The following TPCN1 variants were observed in gnomAD, a reference collection of about 807,000 sequenced individuals.
TPCN1 encodes the protein two pore channel protein 1.
Under a neutral mutation model 108.8 loss-of-function variants are expected in TPCN1, and 52 were observed. That is an observed-to-expected ratio of 0.48 (90% CI 0.38 to 0.60). The LOEUF (loss-of-function observed/expected upper bound fraction) is 0.60, where lower values mean the gene tolerates loss of function less well. Among genes scored for constraint, TPCN1 ranks in the 20% least tolerant of loss-of-function variants. The pLI, the probability that TPCN1 is intolerant of heterozygous loss-of-function variation, is 0.00. For missense variants in TPCN1, 806 were observed against 1,072.8 expected (o/e 0.75, Z 3.47); for synonymous variants, 446 against 433.7 (o/e 1.03, Z -0.35).
chr12:113,278,388 G>A, intron 13 of TPCN1, 151 bp downstream of exon 13: 1 of 700,296 alleles, frequency 1.4e-6, no homozygotes, highest in Non-Finnish European at 2.5e-6. Context: ...ATCACAGGTG[G>A]CCCCAGCCCC....
intron 2 of TPCN1, among the ~76,000 whole-genome samples, chr12:113,243,092 G>A (rs1427030739): frequency 2.6e-5 from 4 of 152,212 alleles, no homozygotes; most frequent in African/African-American, 9.6e-5. Context: ...ACATCTGGCC[G>A]GGTGCGGTGC....
rs148672264 is a variant in TPCN1, at chr12:113,270,389, T to G, written c.748+544T>G. Among the ~76,000 whole-genome samples the G allele has an allele frequency of 6.6e-3, 999 of 152,248 alleles. 4 individuals carry two copies. Among genetic ancestry groups the G allele is most frequent in the African/African-American group, 0.023 (951 of 41,558 alleles). On this transcript the variant is annotated intron_variant, in intron 7 of 27. Transcript: ENST00000335509. ...GCTGTGGGTGTCTGTTGAGGGCCTA[T>G]TTCCTGATCCATAGGTGGTGCCTTC...
At chr12:113,292,038 G>C (rs998026232) in intron 25 of TPCN1, 80 bp downstream of exon 25, 1 of 1,251,986 alleles carries the variant, frequency 8.0e-7, no homozygotes, top group Non-Finnish European at 1.2e-6. Context: ...TGGCTGTCCA[G>C]CCAGCCATCA....
chr12:113,289,602 C>A lies in TPCN1; in HGVS notation c.1797-526C>A, dbSNP rs1593209501. Among the ~76,000 whole-genome samples, 2 of 152,164 alleles carry A rather than the reference C, an allele frequency of 1.3e-5. No homozygotes were observed. Among genetic ancestry groups the A allele is most frequent in the African/African-American group, 4.8e-5 (2 of 41,440 alleles). On this transcript the variant is annotated intron_variant, in intron 21 of 27. Coordinates refer to ENST00000335509, the MANE Select transcript of TPCN1 (RefSeq NM_017901.6). The surrounding 1 kb of genome is among the most constrained non-coding windows in gnomAD (Gnocchi z 4.1). ...GCTCCCTGGTGGCCCAAGCACTAGA[C>A]TTTTATAAACATTAGCATGGATATT... is the stretch of plus-strand genomic sequence containing the variant.
intron 4 of TPCN1, among the ~76,000 whole-genome samples, chr12:113,267,564 A>G (rs1955315820): frequency 6.6e-6 from 1 of 151,874 alleles, no homozygotes; most frequent in Non-Finnish European, 1.5e-5. Flanking sequence ...ACGCCCAGCT[A>G]ATTTCTTTTT....
rs762026881 is a variant in TPCN1, at chr12:113,290,085, C to G, written c.1797-43C>G. On this transcript the variant is annotated intron_variant, in intron 21 of 27. Transcript: ENST00000335509. ...TCTGTCCTCTCTGGAGGTGACTGATCGCCTTGTGACCCTCCCTCCTTTCTC... is the reference window on the plus strand; with the variant it reads ...TCTGTCCTCTCTGGAGGTGACTGATGGCCTTGTGACCCTCCCTCCTTTCTC... 2.3e-6 allele frequency: 3 copies of G among 1,286,774 alleles called. No individual in the cohort carries two copies. In the East Asian group the frequency reaches 7.5e-5, roughly 32 times the overall value. The allele number at this position is 1,286,774 out of a possible 1,614,324, so 79.7% of individuals were successfully genotyped here. A position where few individuals can be genotyped will look rare whatever the true frequency, so the allele number is the denominator to read the frequency against.
chr12:113,224,697 C>A (rs73192812), intron 1 of TPCN1, among the ~76,000 whole-genome samples: 10,565 of 151,842 alleles, frequency 0.07, 416 homozygotes, highest in Middle Eastern at 0.082. Context: ...CGCCTGGCCG[C>A]ATATTAACTA....
Position 113,273,739 on chromosome 12 carries a change from G to A in TPCN1, c.942+71G>A. 8.2e-7 allele frequency: 1 copy of A among 1,222,532 alleles called. No homozygotes were observed. The allele number at this position is 1,222,532 out of a possible 1,614,324, so 75.7% of individuals were successfully genotyped here. On this transcript the variant is annotated intron_variant, in intron 10 of 27. Coordinates refer to ENST00000335509, the MANE Select transcript of TPCN1 (RefSeq NM_017901.6). The surrounding 1 kb of genome is among the most constrained non-coding windows in gnomAD (Gnocchi z 4.0). ...CCATGCAGCACTAGGCACTGTGGGA[G>A]TGGAGAAGTGGGGACTGTCTTCTGC...
Position 113,293,050 on chromosome 12 carries a change from C to T in TPCN1, c.2230C>T (p.Leu744Phe), listed in dbSNP as rs772451804. 3 of 1,612,698 alleles carry T rather than the reference C, an allele frequency of 1.9e-6. No individual in the cohort carries two copies. Among genetic ancestry groups the T allele is most frequent in the South Asian group, 1.1e-5 (1 of 91,024 alleles). The change falls in exon 26 of 28, where the codon CTC becomes TTC. Residue 744 changes from leucine to phenylalanine, a missense_variant. Coordinates refer to ENST00000335509, the MANE Select transcript of TPCN1 (RefSeq NM_017901.6). ...GGATGTCACCAGGCTGCTGGAGACC[C>T]TCTCCCAGATGGAGAGATACCAGGT... ...SSDVTRLLET[L>F]SQMERYQQHS...
chr12:113,223,435 C>CTTTTTTTTTTTTTTTT (rs1172851714), intron 1 of TPCN1, among the ~76,000 whole-genome samples: 10 of 120,282 alleles, frequency 8.3e-5, no homozygotes, highest in South Asian at 2.7e-4. Flanking sequence ...TCTGCTGAGT[C>CTTTTTTTTTTTTTTTT]TTTTTTTTTT....
chr12:113,264,844 G>C (rs1955190358), intron 3 of TPCN1, among the ~76,000 whole-genome samples: 1 of 151,948 alleles, frequency 6.6e-6, no homozygotes, highest in Non-Finnish European at 1.5e-5. Flanking sequence ...AGCTCTTTTT[G>C]TTTATTTTTT....
rs199608038 is a variant in TPCN1 at position 113,293,003 on chromosome 12, G to A, written c.2183G>A (p.Arg728Gln). The change falls in exon 26 of 28, where the codon CGG becomes CAG. Residue 728 changes from arginine to glutamine, a missense_variant. Physicochemically the swap from Arg to Gln is conservative, Grantham distance 43. Coordinates refer to ENST00000335509, the MANE Select transcript of TPCN1 (RefSeq NM_017901.6). ...CTGGTTGCCGTCCTGGAGCTCTACCGGGAGGCACGGGGGGCCTCCTCGGAT... is the reference window on the plus strand; with the variant it reads ...CTGGTTGCCGTCCTGGAGCTCTACCAGGAGGCACGGGGGGCCTCCTCGGAT... ...EELVAVLELY[R>Q]EARGASSDVT... 6.9e-5 allele frequency: 112 copies of A among 1,613,196 alleles called. 1 individual carries two copies. The South Asian group carries it at 7.4e-4, about 11-fold the overall frequency.
intron 19 of TPCN1, 159 bp downstream of exon 19, chr12:113,287,253 C>A (rs1370556952): frequency 3.2e-6 from 2 of 631,354 alleles, no homozygotes; most frequent in Non-Finnish European, 5.5e-6. Context: ...AACATCCCCA[C>A]CCCTGAGGGT....
rs759163361 is a variant in TPCN1 at position 113,288,261 on chromosome 12, C to G, written c.1706+27C>G. Reference sequence around the variant, plus strand: ...TACTGCCAGCCCCCACCCTGGCCTGCAGGTCCAGGTGCCGTGTGGCAGTGC... The same window carrying G: ...TACTGCCAGCCCCCACCCTGGCCTGGAGGTCCAGGTGCCGTGTGGCAGTGC... On this transcript the variant is annotated intron_variant, in intron 20 of 27. Coordinates refer to ENST00000335509, the MANE Select transcript of TPCN1 (RefSeq NM_017901.6). This position sits in a 1 kb window ranked among gnomAD's most constrained non-coding sequence, Gnocchi z 4.8. The G allele has an allele frequency of 1.2e-6, 2 of 1,613,262 alleles. No homozygotes were observed. The highest frequency in any genetic ancestry group is 2.2e-5 in the South Asian group (2 of 91,036).
chr12:113,281,992 C>T (rs1377560390), intron 15 of TPCN1, among the ~76,000 whole-genome samples: 2 of 147,102 alleles, frequency 1.4e-5, no homozygotes, highest in African/African-American at 2.5e-5. Context: ...ATGATCTTGG[C>T]TCACTGCAAC....
At chr12:113,250,963 CAAAAA>C (rs112213688) in intron 2 of TPCN1, among the ~76,000 whole-genome samples, 1 of 128,678 alleles carries the variant, frequency 7.8e-6, no homozygotes, top group East Asian at 2.1e-4. Flanking sequence ...AACTCTGTCT[CAAAAA>C]AAAAAGAAAA....
intron 18 of TPCN1, 40 bp from the exon 19 acceptor site, chr12:113,286,946 TC>T (rs1237303420): frequency 2.0e-6 from 3 of 1,498,056 alleles, no homozygotes; most frequent in Middle Eastern, 3.4e-4. Context: ...GCAGGTAGGC[TC>T]AGGGCCACAG....
intron 2 of TPCN1, among the ~76,000 whole-genome samples, chr12:113,239,635 A>T (rs1351787275): frequency 6.6e-6 from 1 of 152,198 alleles, no homozygotes; most frequent in Admixed American, 6.5e-5. Flanking sequence ...ACTCATTCAC[A>T]TGTGATCAGA....
intron 2 of TPCN1, among the ~76,000 whole-genome samples, chr12:113,253,301 A>G (rs1954717761): frequency 6.6e-6 from 1 of 152,244 alleles, no homozygotes; most frequent in Non-Finnish European, 1.5e-5. Flanking sequence ...GATTGTTGTA[A>G]GAACTAAGTA....
Sources: gnomAD v4.1 joint callset for allele counts (sites outside exome capture counted in the v4.1 genomes callset) on GRCh38, gnomAD v4.1.1 for gene constraint, Gnocchi (gnomAD v3.1) non-coding constraint, MANE v1.5 for transcripts, NCBI Gene and HGNC (gene_info 2026-07-23, HGNC 2026-07-21) for gene names.